NALF1: variants seen among roughly 807,000 people sequenced by gnomAD.
NALF1 encodes the protein family with sequence similarity 155 member A.
In NALF1, 3 loss-of-function variants were observed where a neutral mutation model predicts 48.4. That is an observed-to-expected ratio of 0.06 (90% CI 0.03 to 0.16). NALF1 has a LOEUF of 0.16. Ranked by LOEUF, NALF1 falls within the 10% of genes least tolerant of loss-of-function variation. The pLI is 1.00. For synonymous variants in NALF1, 262 were observed against 245.7 expected (o/e 1.07, Z -0.62); for missense variants, 526 against 571.5 (o/e 0.92, Z 0.81).
chr13:107,573,975 C>T (rs1268166987), intron 1 of NALF1, among the ~76,000 whole-genome samples: 4 of 152,140 alleles, frequency 2.6e-5, no homozygotes, highest in Non-Finnish European at 5.9e-5. Flanking sequence ...CAGACTAATA[C>T]ATTCCCCCAT....
chr13:107,434,609 G>C (rs1296690655), intron 1 of NALF1, among the ~76,000 whole-genome samples: 1 of 152,170 alleles, frequency 6.6e-6, no homozygotes, highest in Non-Finnish European at 1.5e-5. Context: ...CTAAGTCATG[G>C]GAATAGAGCT....
Position 107,453,289 on chromosome 13 carries a change from T to A in NALF1, c.916-242534A>T, listed in dbSNP as rs140932768. Among the ~76,000 whole-genome samples, 410 of 152,310 alleles carry A rather than the reference T, an allele frequency of 2.7e-3. 1 individual carries two copies. The highest frequency in any genetic ancestry group is 0.012 in the South Asian group (56 of 4,832). On this transcript the variant is annotated intron_variant, in intron 1 of 2. Transcript: ENST00000375915. ...ATGAGGGCTCCGCCCCTTCAATACA[T>A]CTCTGCCTGGACATCCAAGCATTTC...
chr13:107,797,499 G>A (rs1878465344), intron 1 of NALF1, among the ~76,000 whole-genome samples: 2 of 152,086 alleles, frequency 1.3e-5, no homozygotes, highest in Non-Finnish European at 2.9e-5. Context: ...GTGAGCCACC[G>A]CGCCCGGCCC....
intron 1 of NALF1, among the ~76,000 whole-genome samples, chr13:107,473,556 G>A (rs1245416227): frequency 6.6e-6 from 1 of 152,174 alleles, no homozygotes; most frequent in African/African-American, 2.4e-5. Context: ...CAGGACATAT[G>A]TCTCATAAAA....
At chr13:107,668,921 TCTC>T (rs1880924523) in intron 1 of NALF1, among the ~76,000 whole-genome samples, 2 of 152,020 alleles carry the variant, frequency 1.3e-5, no homozygotes, top group South Asian at 4.1e-4. Context: ...ATTAGAATGA[TCTC>T]CTAAGTTTTC....
intron 1 of NALF1, among the ~76,000 whole-genome samples, chr13:107,521,740 G>A (rs1594107865): frequency 6.6e-6 from 1 of 152,024 alleles, no homozygotes; most frequent in East Asian, 1.9e-4. Flanking sequence ...GTTTAAAGTA[G>A]CCCATTGCCA....
At chr13:107,685,512 A>G (rs1403564355) in intron 1 of NALF1, among the ~76,000 whole-genome samples, 1 of 152,196 alleles carries the variant, frequency 6.6e-6, no homozygotes, top group African/African-American at 2.4e-5. Context: ...AGTAATGAAT[A>G]AAAGATAAAA....
chr13:107,460,306 A>T (rs1324277573), intron 1 of NALF1, among the ~76,000 whole-genome samples: 1 of 152,218 alleles, frequency 6.6e-6, no homozygotes, highest in East Asian at 1.9e-4. Context: ...GACTACACAC[A>T]GAGGTCCTGT....
At chr13:107,365,751 T>C (rs1243665186) in intron 1 of NALF1, among the ~76,000 whole-genome samples, 1 of 152,210 alleles carries the variant, frequency 6.6e-6, no homozygotes, top group Non-Finnish European at 1.5e-5. Context: ...GATCCTCTTT[T>C]AGAAATATCA....
intron 1 of NALF1, among the ~76,000 whole-genome samples, chr13:107,597,685 G>C (rs564474108): frequency 3.3e-5 from 5 of 152,050 alleles, no homozygotes; most frequent in Admixed American, 3.3e-4. Flanking sequence ...AATTGTAAAC[G>C]ACAGTAGAAA....
At chr13:107,622,869 G>A (rs1030101075) in intron 1 of NALF1, among the ~76,000 whole-genome samples, 1 of 152,120 alleles carries the variant, frequency 6.6e-6, no homozygotes, top group Non-Finnish European at 1.5e-5. Flanking sequence ...TCCCATCTAC[G>A]GAGTTTTCTA....
At chr13:107,374,404 T>C (rs1240744935) in intron 1 of NALF1, among the ~76,000 whole-genome samples, 1 of 152,210 alleles carries the variant, frequency 6.6e-6, no homozygotes, top group African/African-American at 2.4e-5. Context: ...CAATAGGAGA[T>C]CAATAAGTAG....
intron 1 of NALF1, among the ~76,000 whole-genome samples, chr13:107,360,448 G>T (rs1883041896): frequency 6.6e-6 from 1 of 152,038 alleles, no homozygotes; most frequent in African/African-American, 2.4e-5. Context: ...AAAATTGGTG[G>T]AGTCTTAGTT....
intron 1 of NALF1, among the ~76,000 whole-genome samples, chr13:107,763,299 C>T (rs1211852011): frequency 1.3e-5 from 2 of 151,832 alleles, no homozygotes; most frequent in South Asian, 2.1e-4. Context: ...GTAAAAATAG[C>T]GACTCCAGTA....
chr13:107,587,957 G>C (rs1382994610), intron 1 of NALF1, among the ~76,000 whole-genome samples: 1 of 152,084 alleles, frequency 6.6e-6, no homozygotes, highest in South Asian at 2.1e-4. Context: ...CTGAACAAAT[G>C]TGTGCATGGA....
At chr13:107,737,471 T>C (rs1876497839) in intron 1 of NALF1, among the ~76,000 whole-genome samples, 1 of 152,230 alleles carries the variant, frequency 6.6e-6, no homozygotes. Context: ...AATTGGAAGA[T>C]CACTCATTAG....
intron 1 of NALF1, among the ~76,000 whole-genome samples, chr13:107,536,266 A>T (rs1876806329): frequency 6.6e-6 from 1 of 152,108 alleles, no homozygotes; most frequent in South Asian, 2.1e-4. Flanking sequence ...ACAGCAAAAG[A>T]AACTACCATC....
intron 1 of NALF1, among the ~76,000 whole-genome samples, chr13:107,718,765 G>A (rs1408467010): frequency 6.6e-6 from 1 of 152,130 alleles, no homozygotes; most frequent in Non-Finnish European, 1.5e-5. Flanking sequence ...TTTCTAATAT[G>A]GCAGCCAATA....
intron 1 of NALF1, among the ~76,000 whole-genome samples, chr13:107,283,130 G>A (rs937595130): frequency 2.0e-5 from 3 of 152,214 alleles, no homozygotes; most frequent in East Asian, 1.9e-4. Context: ...CACATTGGCC[G>A]CACTGAGATT....
Sources: allele counts gnomAD v4.1 joint callset (sites outside exome capture counted in the v4.1 genomes callset), GRCh38; gene constraint gnomAD v4.1.1; transcripts MANE v1.5; gene names NCBI Gene and HGNC (gene_info 2026-07-23, HGNC 2026-07-21).